Variants in COX5A observed in about 807,000 individuals in gnomAD.
COX5A encodes the protein cytochrome c oxidase subunit 5A, mitochondrial.
Under a neutral mutation model 16.1 loss-of-function variants are expected in COX5A, and 6 were observed. The ratio of observed to expected loss-of-function variants is 0.37; its 90% CI spans 0.20 to 0.73. COX5A has a LOEUF of 0.73. Ranked by LOEUF, COX5A falls within the 30% of genes least tolerant of loss-of-function variation. COX5A has a pLI of 0.50. For synonymous variants in COX5A, 73 were observed against 73.8 expected (o/e 0.99, Z 0.06); for missense variants, 159 against 194.9 (o/e 0.82, Z 1.10).
chr15:74,920,871 G>A (rs147575772), intron 4 of COX5A, among the ~76,000 whole-genome samples: 1 of 152,074 alleles, frequency 6.6e-6, no homozygotes, highest in East Asian at 1.9e-4. Flanking sequence ...CCAGCTACTC[G>A]GGAGGCTAAG....
intron 1 of COX5A, chr15:74,937,642 A>G: frequency 3.7e-6 from 1 of 273,032 alleles, no homozygotes. Flanking sequence ...ACCGAAGGGG[A>G]GCGCTGCGTC....
At chr15:74,929,278 T>C (rs2065356379) in intron 1 of COX5A, 46 bp from the exon 2 acceptor site, 1 of 1,327,906 alleles carries the variant, frequency 7.5e-7, no homozygotes. Context: ...AAATAGTACT[T>C]GATATATTTT....
intron 3 of COX5A, among the ~76,000 whole-genome samples, chr15:74,924,871 G>A (rs746695495): frequency 6.6e-6 from 1 of 152,080 alleles, no homozygotes; most frequent in Non-Finnish European, 1.5e-5. Context: ...TGCTGTTAAC[G>A]GACCTTAAGT....
intron 1 of COX5A, among the ~76,000 whole-genome samples, chr15:74,933,474 C>T (rs1442206704): frequency 6.7e-6 from 1 of 148,426 alleles, no homozygotes; most frequent in Non-Finnish European, 1.5e-5. Flanking sequence ...TATGTAAAAA[C>T]ATAGATTAGA....
chr15:74,926,639 C>T, intron 3 of COX5A, 127 bp downstream of exon 3: 1 of 956,948 alleles, frequency 1.0e-6, no homozygotes, highest in Non-Finnish European at 1.5e-6. Context: ...CTGCAATGTA[C>T]ATTCCTTCTA....
intron 3 of COX5A, among the ~76,000 whole-genome samples, chr15:74,925,250 C>A (rs2065338343): frequency 6.6e-6 from 1 of 151,890 alleles, no homozygotes; most frequent in Non-Finnish European, 1.5e-5. Flanking sequence ...TTGCAGTGAG[C>A]TGAGATCACG....
chr15:74,936,101 G>A (rs989019876), intron 1 of COX5A, among the ~76,000 whole-genome samples: 1 of 151,812 alleles, frequency 6.6e-6, no homozygotes, highest in African/African-American at 2.4e-5. Context: ...AACCAGCATG[G>A]CCAACATGGT....
At chr15:74,936,620 TTC>T (rs1385316045) in intron 1 of COX5A, among the ~76,000 whole-genome samples, 3 of 141,812 alleles carry the variant, frequency 2.1e-5, no homozygotes, top group African/African-American at 8.1e-5. Flanking sequence ...GCAAAACATA[TTC>T]TTTTTTTTTT....
intron 4 of COX5A, among the ~76,000 whole-genome samples, chr15:74,921,407 C>CAAAAAAAAAA (rs56979177): frequency 2.1e-4 from 17 of 79,462 alleles, no homozygotes; most frequent in Non-Finnish European, 3.7e-4. Flanking sequence ...GACTCCGTCT[C>CAAAAAAAAAA]AAAAAAAAAA....
intron 1 of COX5A, among the ~76,000 whole-genome samples, chr15:74,936,804 T>A (rs1041545784): frequency 1.3e-5 from 2 of 151,876 alleles, no homozygotes; most frequent in African/African-American, 4.8e-5. Flanking sequence ...ATTTTTTGTA[T>A]TTTTAGTACA....
At chr15:74,930,287 G>A (rs1362736140) in intron 1 of COX5A, among the ~76,000 whole-genome samples, 13 of 151,432 alleles carry the variant, frequency 8.6e-5, no homozygotes, top group African/African-American at 1.5e-4. Flanking sequence ...GTGTGGTGGC[G>A]CGTGCCTGTA....
chr15:74,936,771 C>T (rs146771979), intron 1 of COX5A, among the ~76,000 whole-genome samples: 9,006 of 151,630 alleles, frequency 0.059, 866 homozygotes, highest in African/African-American at 0.21. Context: ...GGATTACAGG[C>T]GCCCACCACC....
intron 1 of COX5A, among the ~76,000 whole-genome samples, chr15:74,930,097 C>CAAAAA (rs2065360194): frequency 7.2e-6 from 1 of 139,146 alleles, no homozygotes; most frequent in Non-Finnish European, 1.6e-5. Flanking sequence ...AACAAACAAA[C>CAAAAA]AAAAACAAAA....
intron 2 of COX5A, among the ~76,000 whole-genome samples, chr15:74,928,096 C>A (rs2065351552): frequency 6.6e-6 from 1 of 152,210 alleles, no homozygotes; most frequent in Non-Finnish European, 1.5e-5. Flanking sequence ...GGAATCATTA[C>A]ATTTCTGCAG....
At chr15:74,925,791 T>A (rs2065340540) in intron 3 of COX5A, among the ~76,000 whole-genome samples, 1 of 152,188 alleles carries the variant, frequency 6.6e-6, no homozygotes, top group Admixed American at 6.6e-5. Context: ...ACATTTCGTA[T>A]GACAAATAGC....
chr15:74,934,821 G>C (rs1463725459), intron 1 of COX5A, among the ~76,000 whole-genome samples: 3 of 151,892 alleles, frequency 2.0e-5, no homozygotes, highest in African/African-American at 7.3e-5. Flanking sequence ...AATTATTTTG[G>C]AAAACAATTA....
chr15:74,924,535 A>AATAATG (rs386383494), intron 3 of COX5A, among the ~76,000 whole-genome samples: 1 of 151,798 alleles, frequency 6.6e-6, no homozygotes, highest in Non-Finnish European at 1.5e-5. Flanking sequence ...AAATAATAAT[A>AATAATG]ATTAAATAAA....
intron 4 of COX5A, 52 bp from the exon 5 acceptor site, chr15:74,920,494 A>C (rs2065315142): frequency 4.4e-6 from 3 of 675,396 alleles, no homozygotes; most frequent in Non-Finnish European, 7.9e-6. Context: ...GAAAAAGTAG[A>C]AATCTTTTAA....
At chr15:74,933,701 A>G (rs753270588) in intron 1 of COX5A, among the ~76,000 whole-genome samples, 19 of 152,146 alleles carry the variant, frequency 1.2e-4, no homozygotes, top group Non-Finnish European at 2.1e-4. Flanking sequence ...TTAAACACAA[A>G]CCTACCATAT....
Sources: gnomAD v4.1 joint callset for allele counts (sites outside exome capture counted in the v4.1 genomes callset) on GRCh38, gnomAD v4.1.1 for gene constraint, MANE v1.5 for transcripts, NCBI Gene and HGNC (gene_info 2026-07-23, HGNC 2026-07-21) for gene names.